PRIM2: variants seen among roughly 807,000 people sequenced by gnomAD.
PRIM2 encodes the protein DNA primase large subunit.
PRIM2 carries 39 observed loss-of-function variants against 67.3 expected under a neutral mutation model. The ratio of observed to expected loss-of-function variants is 0.58; its 90% CI spans 0.45 to 0.76. The LOEUF is 0.76. PRIM2 is among the 30% of genes least tolerant of loss of function. The probability of loss-of-function intolerance (pLI) is 0.00; values close to 1 mark genes in which losing one functional copy is unlikely to be tolerated. For missense variants in PRIM2, 398 were observed against 598.7 expected (o/e 0.66, Z 3.50); for synonymous variants, 143 against 198.7 (o/e 0.72, Z 2.36).
rs746110249 is a variant in PRIM2, at chr6:57,324,212, A to C, written c.270A>C (p.Glu90Asp). The C allele has an allele frequency of 1.9e-6, 3 of 1,591,958 alleles. No homozygotes were observed. ...KLKFSYRENL[E>D]DEYEPRRRDH... ...TCATTATTTTTAAGGAAAACTTAGA[A>C]GATGAATATGAACCACGAAGAAGAG... Residue 90 changes from glutamate to aspartate, a missense_variant, in exon 4 of 14, where the codon GAA (glutamate) becomes GAC (aspartate). Around this residue, in one of 4 missense-constraint regions of PRIM2, gnomAD observed 96 missense variants for 98.3 expected, o/e 0.98. Coordinates refer to ENST00000615550, the MANE Select transcript of PRIM2 (RefSeq NM_000947.5).
the PRIM2 span, among the ~76,000 whole-genome samples, chr6:57,252,044 C>T: frequency 3.3e-5 from 5 of 152,214 alleles, no homozygotes; most frequent in Admixed American, 2.6e-4. Flanking sequence ...TATCTTGCCC[C>T]ATTGAAGATG....
intron 7 of PRIM2, among the ~76,000 whole-genome samples, chr6:57,470,754 A>T: frequency 6.6e-6 from 1 of 152,072 alleles, no homozygotes; most frequent in Non-Finnish European, 1.5e-5. Context: ...AGCTAGTTTT[A>T]GTTACAGCCT....
At chr6:57,442,038 A>C (rs999437471) in intron 7 of PRIM2, among the ~76,000 whole-genome samples, 7 of 152,228 alleles carry the variant, frequency 4.6e-5, no homozygotes, top group African/African-American at 1.7e-4. Flanking sequence ...GAAACAAGAA[A>C]ATGAAGAGGA....
intron 7 of PRIM2, among the ~76,000 whole-genome samples, chr6:57,427,639 C>A (rs2127376735): frequency 1.3e-5 from 2 of 152,282 alleles, no homozygotes; most frequent in East Asian, 3.9e-4. Flanking sequence ...TTATTAACAG[C>A]ATCACATAGC....
At chr6:57,450,735 C>G (rs998895661) in intron 7 of PRIM2, among the ~76,000 whole-genome samples, 1 of 152,212 alleles carries the variant, frequency 6.6e-6, no homozygotes, top group Admixed American at 6.5e-5. Context: ...TGTGCTTTCC[C>G]TAATGATTTA....
chr6:57,455,906 T>G (rs1365723777), intron 7 of PRIM2, among the ~76,000 whole-genome samples: 1 of 152,222 alleles, frequency 6.6e-6, no homozygotes, highest in Non-Finnish European at 1.5e-5. Flanking sequence ...ATTTGGCATG[T>G]TTTTGCAGTG....
the PRIM2 span, among the ~76,000 whole-genome samples, chr6:57,267,179 T>C: frequency 6.6e-6 from 1 of 152,224 alleles, no homozygotes; most frequent in East Asian, 1.9e-4. Context: ...ACCTAATAGG[T>C]TGATACATGT....
At position 57,545,308 on chromosome 6, in the gene PRIM2, ATCTACT is replaced by A. The variant is rs1581981941; in HGVS notation, c.1020+7685_1020+7690del. Reference sequence around the variant, plus strand: ...AGATACATACATATGTACATATTCCATCTACTTGGCATAGTTCAGCCGATTTTTATT... The same window carrying A: ...AGATACATACATATGTACATATTCCATGGCATAGTTCAGCCGATTTTTATT... On this transcript the variant is annotated intron_variant, in intron 10 of 13. Coordinates refer to ENST00000615550, the MANE Select transcript of PRIM2 (RefSeq NM_000947.5). Among the ~76,000 whole-genome samples, 5 of 152,094 alleles carry A rather than the reference ATCTACT, an allele frequency of 3.3e-5. No individual in the cohort carries two copies. The East Asian group carries it at 9.6e-4, about 29-fold the overall frequency.
chr6:57,287,675 A>C, the PRIM2 span, among the ~76,000 whole-genome samples: 1 of 151,912 alleles, frequency 6.6e-6, no homozygotes, highest in Non-Finnish European at 1.5e-5. Context: ...CTTAAAACTT[A>C]TGTGACGGGT....
intron 7 of PRIM2, among the ~76,000 whole-genome samples, chr6:57,391,712 A>G (rs1231552681): frequency 6.6e-6 from 1 of 151,902 alleles, no homozygotes; most frequent in Non-Finnish European, 1.5e-5. Flanking sequence ...GTTCTGTTCC[A>G]TTGGTCTATG....
At chr6:57,631,139 T>C (rs1777032480) in intron 12 of PRIM2, among the ~76,000 whole-genome samples, 1 of 152,228 alleles carries the variant, frequency 6.6e-6, no homozygotes, top group African/African-American at 2.4e-5. Flanking sequence ...TTTGTGTGTA[T>C]CTGTCAAATG....
the PRIM2 span, among the ~76,000 whole-genome samples, chr6:57,271,728 C>A: frequency 2.0e-5 from 3 of 151,954 alleles, no homozygotes; most frequent in African/African-American, 7.2e-5. Context: ...TTAGGGTGTC[C>A]ATTTTAGATC....
intron 5 of PRIM2, among the ~76,000 whole-genome samples, chr6:57,335,624 T>A (rs1768211389): frequency 6.6e-6 from 1 of 151,976 alleles, no homozygotes; most frequent in South Asian, 2.1e-4. Flanking sequence ...CATGGCCAGG[T>A]ACTCCAACAG....
At chr6:57,297,389 C>T in the PRIM2 span, among the ~76,000 whole-genome samples, 1 of 151,972 alleles carries the variant, frequency 6.6e-6, no homozygotes, top group East Asian at 1.9e-4. Flanking sequence ...TTGCAGTGAG[C>T]CGAGATCAAG....
At chr6:57,394,649 C>G (rs561913837) in intron 7 of PRIM2, among the ~76,000 whole-genome samples, 1 of 151,784 alleles carries the variant, frequency 6.6e-6, no homozygotes, top group Non-Finnish European at 1.5e-5. Context: ...TATTTGGATG[C>G]CCTTTCTTTC....
At chr6:57,588,418 C>T (rs1582007020) in intron 10 of PRIM2, among the ~76,000 whole-genome samples, 1 of 147,414 alleles carries the variant, frequency 6.8e-6, no homozygotes, top group East Asian at 2.1e-4. Flanking sequence ...ACGTGGAGAC[C>T]CTTTAACTTG....
At chr6:57,615,853 G>A (rs1488279756) in intron 12 of PRIM2, among the ~76,000 whole-genome samples, 3 of 152,116 alleles carry the variant, frequency 2.0e-5, no homozygotes, top group Non-Finnish European at 4.4e-5. Flanking sequence ...TTGTGCCACT[G>A]TACTCCATCC....
At chr6:57,225,209 G>A in the PRIM2 span, among the ~76,000 whole-genome samples, 2 of 152,106 alleles carry the variant, frequency 1.3e-5, no homozygotes, top group Admixed American at 1.3e-4. Context: ...CCCCCCATGT[G>A]CATATGAAAT....
At chr6:57,446,010 C>T (rs1772352073) in intron 7 of PRIM2, among the ~76,000 whole-genome samples, 1 of 152,230 alleles carries the variant, frequency 6.6e-6, no homozygotes, top group Non-Finnish European at 1.5e-5. Context: ...GAGGCTCAGC[C>T]ATGGTCTTTC....
Sources: allele counts gnomAD v4.1 joint callset (sites outside exome capture counted in the v4.1 genomes callset), GRCh38; gene constraint gnomAD v4.1.1; regional missense constraint gnomAD v4.1.1; transcripts MANE v1.5; gene names NCBI Gene and HGNC (gene_info 2026-07-23, HGNC 2026-07-21).